Variants in ATP6V1H observed in about 807,000 individuals in gnomAD.
ATP6V1H encodes V-type proton ATPase subunit H.
ATP6V1H carries 39 observed loss-of-function variants against 71.7 expected under a neutral mutation model. That is an observed-to-expected ratio of 0.54 (90% CI 0.42 to 0.71). ATP6V1H has a LOEUF of 0.71. Among genes scored for constraint, ATP6V1H ranks in the 30% least tolerant of loss-of-function variants. The pLI is 0.00. For synonymous variants in ATP6V1H, 192 were observed against 199.3 expected, an observed-to-expected ratio of 0.96 and a Z score of 0.31; for missense variants, 509 against 594.9, an observed-to-expected ratio of 0.86 and a Z score of 1.50.
intron 4 of ATP6V1H, among the ~76,000 whole-genome samples, chr8:53,818,967 G>A (rs190286669): frequency 6.6e-6 from 1 of 152,276 alleles, no homozygotes; most frequent in East Asian, 1.9e-4. Context: ...AGCACTTTGA[G>A]AGGCCAAGTG....
Position 53,801,883 on chromosome 8 carries a change from A to G in ATP6V1H, c.593T>C (p.Val198Ala). The G allele has an allele frequency of 5.0e-6, 8 of 1,613,842 alleles. No homozygotes were observed. The highest frequency in any genetic ancestry group is 6.8e-6 in the Non-Finnish European group (8 of 1,179,856). ...TVSSSDSSQY[V>A]QCVAGCLQLM... The stretch of plus-strand genomic sequence containing the variant: ...CTGCAAACACCCGGCCACGCACTGC[A>G]CATACTGCGAACTCTGCACAAGAAG... The change falls in exon 8 of 14, where the codon GTG becomes GCG. Residue 198 changes from valine to alanine, a missense_variant. Coordinates refer to ENST00000359530, the MANE Select transcript of ATP6V1H (RefSeq NM_015941.4).
At chr8:53,751,263 C>T (rs1222647748) in intron 12 of ATP6V1H, among the ~76,000 whole-genome samples, 2 of 152,228 alleles carry the variant, frequency 1.3e-5, no homozygotes, top group East Asian at 3.8e-4. Context: ...ATATCTCAAA[C>T]TCTGGACAAG....
At chr8:53,732,532 A>G (rs1807058138) in intron 13 of ATP6V1H, among the ~76,000 whole-genome samples, 1 of 152,112 alleles carries the variant, frequency 6.6e-6, no homozygotes, top group Non-Finnish European at 1.5e-5. Context: ...ACAATTGGCC[A>G]TGTATTTCAG....
chr8:53,715,972 G>C lies in ATP6V1H; in HGVS notation c.1444C>G (p.Arg482Gly), dbSNP rs140945028. Residue 482 changes from arginine to glycine, a missense_variant, in exon 14 of 14, where the codon CGA becomes GGA. Physicochemically the swap from Arg to Gly is moderately radical, Grantham distance 125. Coordinates refer to ENST00000359530, the MANE Select transcript of ATP6V1H (RefSeq NM_015941.4). Reference sequence around the variant, plus strand: ...GAAGGCCAGAGGCAGGCTTAGCTTCGGGCGGCAGCGGTCTGGGGCTGCTCG... The same window carrying C: ...GAAGGCCAGAGGCAGGCTTAGCTTCCGGCGGCAGCGGTCTGGGGCTGCTCG... Reference protein sequence around the residue: ...QSEQPQTAAARS With the variant: ...QSEQPQTAAAGS 2 of 1,607,786 alleles carry C rather than the reference G, an allele frequency of 1.2e-6. No individual in the cohort carries two copies. The highest frequency in any genetic ancestry group is 8.5e-7 in the Non-Finnish European group (1 of 1,177,888).
At chr8:53,782,198 G>A (rs1374071580) in intron 9 of ATP6V1H, among the ~76,000 whole-genome samples, 2 of 151,956 alleles carry the variant, frequency 1.3e-5, no homozygotes, top group African/African-American at 4.8e-5. Context: ...CCATTTGTTT[G>A]TATCCTCTTT....
rs1806403946 is a variant in ATP6V1H at position 53,715,802 on chromosome 8, A to G, written c.*162T>C. 1.8e-6 allele frequency: 1 copy of G among 548,350 alleles called. No homozygotes were observed. Among genetic ancestry groups the G allele is most frequent in the Admixed American group, 3.7e-5 (1 of 27,316 alleles). 34.0% of individuals were successfully genotyped at this position (548,350 alleles called of 1,614,324 possible). A position where few individuals can be genotyped will look rare whatever the true frequency, so the allele number is the denominator to read the frequency against. On this transcript the variant is annotated 3_prime_UTR_variant, in exon 14 of 14. Transcript: ENST00000359530. ...CCTACTTTTATACAACTTAACAGGC[A>G]AACATGTTATTTTGTTGTTGTTGTT... is the stretch of plus-strand genomic sequence containing the variant.
intron 12 of ATP6V1H, among the ~76,000 whole-genome samples, chr8:53,753,499 G>A (rs918699010): frequency 4.6e-4 from 70 of 152,304 alleles, no homozygotes; most frequent in African/African-American, 1.4e-3. Flanking sequence ...CAGCAGGTCA[G>A]GTGTGCACAA....
In ATP6V1H at chr8:53,821,196, C is replaced by T. The variant is rs557630898; in HGVS notation, c.307-3666G>A. On this transcript the variant is annotated intron_variant, in intron 4 of 13. Transcript: ENST00000359530. ...GACCACCCTGACCAACATGGTAAAA[C>T]TCCATCTCTACTAAAAATACAACAA... is the stretch of plus-strand genomic sequence containing the variant. Among the ~76,000 whole-genome samples, 340 of 151,444 alleles carry T rather than the reference C, an allele frequency of 2.2e-3. 2 individuals carry two copies. Among genetic ancestry groups the T allele is most frequent in the African/African-American group, 7.9e-3 (324 of 41,270 alleles).
chr8:53,781,247 A>G lies in ATP6V1H; in HGVS notation c.871-9080T>C, dbSNP rs528123336. 3.9e-5 allele frequency among the ~76,000 whole-genome samples: 6 copies of G among 152,274 alleles called. No homozygotes were observed. The East Asian group carries it at 9.6e-4, about 24-fold the overall frequency. The stretch of plus-strand genomic sequence containing the variant: ...TAATCGCCATTCTAACTGGTGTGAG[A>G]TGGTATCTCACTGTGGTTTTGATTT... On this transcript the variant is annotated intron_variant, in intron 9 of 13. Coordinates refer to ENST00000359530, the MANE Select transcript of ATP6V1H (RefSeq NM_015941.4).
At position 53,840,261 on chromosome 8, in the gene ATP6V1H, G is replaced by A. The variant is rs187852541; in HGVS notation, c.113+1317C>T. On this transcript the variant is annotated intron_variant, in intron 2 of 13. Coordinates refer to ENST00000359530, the MANE Select transcript of ATP6V1H (RefSeq NM_015941.4). ...GCCTGTAATCCCAGCACTTTGGGAGGCCAAGAGGGGCAGATCACGAGGTCA... is the reference window on the plus strand; with the variant it reads ...GCCTGTAATCCCAGCACTTTGGGAGACCAAGAGGGGCAGATCACGAGGTCA... Among the ~76,000 whole-genome samples the A allele has an allele frequency of 2.2e-3, 337 of 152,294 alleles. 2 individuals are homozygous for A. Among genetic ancestry groups the A allele is most frequent in the African/African-American group, 7.7e-3 (321 of 41,546 alleles).
chr8:53,811,272 T>C, intron 6 of ATP6V1H, 55 bp from the exon 7 acceptor site: 1 of 1,513,998 alleles, frequency 6.6e-7, no homozygotes, highest in South Asian at 1.1e-5. Context: ...TATCCTAATG[T>C]ATCAGCTTAC....
chr8:53,831,125 T>C (rs1810993129), intron 3 of ATP6V1H, among the ~76,000 whole-genome samples: 1 of 152,152 alleles, frequency 6.6e-6, no homozygotes. Context: ...AACACTTCCA[T>C]AGAAAAGTAA....
intron 4 of ATP6V1H, among the ~76,000 whole-genome samples, chr8:53,823,485 G>A (rs906065743): frequency 2.0e-5 from 3 of 151,904 alleles, no homozygotes; most frequent in African/African-American, 7.3e-5. Context: ...CTTAATTTTT[G>A]GGGGGGCGGG....
At chr8:53,733,439 C>G (rs183670429) in intron 13 of ATP6V1H, among the ~76,000 whole-genome samples, 13 of 152,274 alleles carry the variant, frequency 8.5e-5, no homozygotes, top group Middle Eastern at 3.4e-3. Context: ...TCCAGTGTGT[C>G]GACGACCTCC....
intron 4 of ATP6V1H, among the ~76,000 whole-genome samples, chr8:53,829,129 A>G (rs1008937872): frequency 1.3e-5 from 2 of 152,246 alleles, no homozygotes; most frequent in Non-Finnish European, 2.9e-5. Flanking sequence ...CATATCATCC[A>G]TAAGTACACA....
At chr8:53,750,435 T>C (rs983765393) in intron 12 of ATP6V1H, among the ~76,000 whole-genome samples, 2 of 152,124 alleles carry the variant, frequency 1.3e-5, no homozygotes, top group African/African-American at 4.8e-5. Flanking sequence ...TTAACATCAA[T>C]AGGTTCTTGG....
chr8:53,832,145 G>C (rs1338157643), intron 3 of ATP6V1H: 1 of 152,008 alleles, frequency 6.6e-6, no homozygotes, highest in Admixed American at 6.6e-5. Context: ...ACAGTTAAAT[G>C]AAAAGAACAA....
chr8:53,842,813 C>G (rs1455784404), intron 1 of ATP6V1H: 1 of 152,364 alleles, frequency 6.6e-6, no homozygotes, highest in Non-Finnish European at 1.5e-5. Flanking sequence ...CACTCTCCTG[C>G]CCGCCCCTGA....
At chr8:53,735,926 T>C (rs756799442) in intron 13 of ATP6V1H, among the ~76,000 whole-genome samples, 5 of 152,162 alleles carry the variant, frequency 3.3e-5, no homozygotes, top group Non-Finnish European at 7.3e-5. Context: ...AACCAGCCAG[T>C]AGGACTCAGA....
Sources: allele counts gnomAD v4.1 joint callset (sites outside exome capture counted in the v4.1 genomes callset), GRCh38; gene constraint gnomAD v4.1.1; transcripts MANE v1.5; gene names NCBI Gene and HGNC (gene_info 2026-07-23, HGNC 2026-07-21).